Variants in GMDS observed in about 807,000 individuals in gnomAD.
GMDS encodes the protein GDP-mannose 4,6-dehydratase, also known as GDP-mannose 4,6 dehydratase.
GMDS carries 20 observed loss-of-function variants against 49.9 expected under a neutral mutation model. That is an observed-to-expected ratio of 0.40 (90% CI 0.28 to 0.58). The LOEUF (loss-of-function observed/expected upper bound fraction) is 0.58. Among genes scored for constraint, GMDS ranks in the 20% least tolerant of loss-of-function variants. GMDS has a pLI of 0.42. For synonymous variants in GMDS, 177 were observed against 178.6 expected, an observed-to-expected ratio of 0.99 and a Z score of 0.07; for missense variants, 362 against 481.4, an observed-to-expected ratio of 0.75 and a Z score of 2.32.
rs112245513 is a variant in GMDS, at chr6:1,944,500, G to A, written c.644-14270C>T. 9.2e-3 allele frequency among the ~76,000 whole-genome samples: 1,353 copies of A among 147,740 alleles called. 17 individuals carry two copies. Among genetic ancestry groups the A allele is most frequent in the African/African-American group, 0.032 (1,282 of 39,776 alleles). On this transcript the variant is annotated intron_variant, in intron 6 of 10. Coordinates refer to ENST00000380815, the MANE Select transcript of GMDS (RefSeq NM_001500.4). ...AGCCTGGGCGACAGAGCCAGATTGC[G>A]TCTAAAAAAATATATATATATTAGC...
chr6:2,239,050 C>G (rs754129175), intron 1 of GMDS, among the ~76,000 whole-genome samples: 1 of 152,126 alleles, frequency 6.6e-6, no homozygotes, highest in Admixed American at 6.5e-5. Flanking sequence ...CTATCCTGGC[C>G]GGGCACGGTG....
intron 4 of GMDS, among the ~76,000 whole-genome samples, chr6:2,059,005 A>G (rs1466178932): frequency 6.6e-6 from 1 of 151,638 alleles, no homozygotes; most frequent in Non-Finnish European, 1.5e-5. Flanking sequence ...GTGAAACCCC[A>G]TCTCTACTAA....
chr6:1,788,737 T>C (rs777075683), intron 7 of GMDS, among the ~76,000 whole-genome samples: 7 of 152,230 alleles, frequency 4.6e-5, no homozygotes, highest in Non-Finnish European at 1.5e-5. Flanking sequence ...ATATTTTAGG[T>C]CAAATAATTT....
chr6:2,115,069 G>C (rs1267602138), intron 4 of GMDS, among the ~76,000 whole-genome samples: 6 of 152,130 alleles, frequency 3.9e-5, no homozygotes, highest in Non-Finnish European at 8.8e-5. Context: ...CATCCTGTCT[G>C]AACAAGTATC....
chr6:2,173,789 A>G (rs1299768682), intron 1 of GMDS, among the ~76,000 whole-genome samples: 3 of 152,244 alleles, frequency 2.0e-5, no homozygotes, highest in Admixed American at 2.0e-4. Context: ...ATTATAAAAT[A>G]GATGGTTTCC....
At chr6:2,036,076 C>T (rs1186046406) in intron 4 of GMDS, among the ~76,000 whole-genome samples, 1 of 152,126 alleles carries the variant, frequency 6.6e-6, no homozygotes, top group East Asian at 1.9e-4. Flanking sequence ...ATTTATTGCA[C>T]CTCTAAGAAT....
intron 1 of GMDS, among the ~76,000 whole-genome samples, chr6:2,130,839 A>G (rs1183542728): frequency 5.3e-5 from 8 of 152,142 alleles, no homozygotes; most frequent in Non-Finnish European, 8.8e-5. Flanking sequence ...ACTTTCCCCA[A>G]TGTGATAGGT....
At chr6:1,647,313 C>A (rs574693373) in intron 9 of GMDS, among the ~76,000 whole-genome samples, 6 of 152,254 alleles carry the variant, frequency 3.9e-5, no homozygotes, top group African/African-American at 1.2e-4. Context: ...CGGAGTTTCA[C>A]TGGAGCCAGG....
At chr6:2,082,906 T>A (rs959171454) in intron 4 of GMDS, among the ~76,000 whole-genome samples, 1 of 152,228 alleles carries the variant, frequency 6.6e-6, no homozygotes, top group African/African-American at 2.4e-5. Flanking sequence ...GTGGTTAAAG[T>A]AAGTTACACA....
chr6:1,909,443 C>T (rs1760938911), intron 7 of GMDS, among the ~76,000 whole-genome samples: 1 of 152,180 alleles, frequency 6.6e-6, no homozygotes, highest in Admixed American at 6.6e-5. Context: ...CAACCAGATG[C>T]TTTCTTAGGT....
intron 1 of GMDS, among the ~76,000 whole-genome samples, chr6:2,214,422 C>A (rs1011707832): frequency 3.3e-5 from 5 of 152,040 alleles, no homozygotes; most frequent in African/African-American, 1.2e-4. Context: ...CATGTACAGA[C>A]CTTTATTGTC....
intron 7 of GMDS, among the ~76,000 whole-genome samples, chr6:1,758,507 A>C (rs1028716784): frequency 1.3e-5 from 2 of 152,208 alleles, no homozygotes; most frequent in African/African-American, 4.8e-5. Flanking sequence ...CAGAGGGGGT[A>C]GGTGTTCTCA....
intron 9 of GMDS, among the ~76,000 whole-genome samples, chr6:1,718,962 A>G (rs879280215): frequency 6.6e-6 from 1 of 152,088 alleles, no homozygotes; most frequent in East Asian, 1.9e-4. Context: ...TAGTTTGGAT[A>G]TTGTTACACC....
chr6:1,888,628 T>C (rs1759728881), intron 7 of GMDS, among the ~76,000 whole-genome samples: 1 of 152,174 alleles, frequency 6.6e-6, no homozygotes. Flanking sequence ...CCCTTTCACA[T>C]TTCAGAACCA....
chr6:1,823,453 T>C (rs1255079094), intron 7 of GMDS, among the ~76,000 whole-genome samples: 1 of 152,196 alleles, frequency 6.6e-6, no homozygotes. Flanking sequence ...ATCTTCCCAA[T>C]TGTATGTTCT....
At chr6:1,808,937 C>T (rs1032451213) in intron 7 of GMDS, among the ~76,000 whole-genome samples, 5 of 151,744 alleles carry the variant, frequency 3.3e-5, no homozygotes, top group African/African-American at 1.2e-4. Flanking sequence ...TACACCTATA[C>T]ACATCCATTA....
intron 4 of GMDS, among the ~76,000 whole-genome samples, chr6:2,111,368 C>T (rs1774535870): frequency 1.3e-5 from 2 of 152,304 alleles, no homozygotes; most frequent in Admixed American, 1.3e-4. Context: ...CACTTTCTCC[C>T]ACATAAGATC....
intron 6 of GMDS, among the ~76,000 whole-genome samples, chr6:1,948,150 G>T (rs1292578188): frequency 6.6e-6 from 1 of 152,118 alleles, no homozygotes; most frequent in East Asian, 1.9e-4. Context: ...TTGAGAAACT[G>T]GCCAGAGTTG....
At chr6:2,147,600 T>C (rs1040458979) in intron 1 of GMDS, among the ~76,000 whole-genome samples, 3 of 151,808 alleles carry the variant, frequency 2.0e-5, no homozygotes, top group Admixed American at 6.6e-5. Context: ...CATTCCCAGA[T>C]CATCACTCTA....
Sources: gnomAD v4.1 joint callset for allele counts (sites outside exome capture counted in the v4.1 genomes callset) on GRCh38, gnomAD v4.1.1 for gene constraint, MANE v1.5 for transcripts, NCBI Gene and HGNC (gene_info 2026-07-23, HGNC 2026-07-21) for gene names.